The following QDPR variants were observed in gnomAD, a reference collection of about 807,000 sequenced individuals.
QDPR encodes quinoid dihydropteridine reductase.
QDPR carries 23 observed loss-of-function variants against 31.7 expected under a neutral mutation model. The observed-to-expected ratio is 0.73, with a 90% CI of 0.52 to 1.03. The LOEUF is 1.03. QDPR is among the 50% of genes least tolerant of loss of function. The pLI is 0.00. For synonymous variants in QDPR, 124 were observed against 124.7 expected (o/e 0.99, Z 0.03); for missense variants, 324 against 323.8 (o/e 1.00, Z 0.00).
chr4:17,496,916 C>T (rs1718381410), intron 4 of QDPR, among the ~76,000 whole-genome samples: 1 of 152,118 alleles, frequency 6.6e-6, no homozygotes, highest in Non-Finnish European at 1.5e-5. Context: ...GCCACAACAG[C>T]TGGTTATTTT....
At position 17,487,252 on chromosome 4, in the gene QDPR, A is replaced by C; in HGVS notation, c.630-16T>G. On this transcript the variant is annotated splice_polypyrimidine_tract_variant and intron_variant, in intron 6 of 6. Coordinates refer to ENST00000281243, the MANE Select transcript of QDPR (RefSeq NM_000320.3). ...ATGGAAAGTTCTGGAACAGAAAATA[A>C]AAGTTTTTTTTATATTCTCAAAGCA... is the stretch of plus-strand genomic sequence containing the variant. 6.2e-7 allele frequency: 1 copy of C among 1,610,596 alleles called. No individual in the cohort carries two copies. The highest frequency in any genetic ancestry group is 8.5e-7 in the Non-Finnish European group (1 of 1,176,832).
At position 17,501,742 on chromosome 4, in the gene QDPR, T is replaced by G. The variant is rs754655799; in HGVS notation, c.413A>C (p.Lys138Thr). Residue 138 changes from lysine to threonine, a missense_variant, in exon 4 of 7, where the codon AAG becomes ACG. Coordinates refer to ENST00000281243, the MANE Select transcript of QDPR (RefSeq NM_000320.3). ...ACCAGGAGTCCCATCCAGGGCAGCC[T>G]TTGCGCCAGCCAAGGTCAGGAGGCC... is the stretch of plus-strand genomic sequence containing the variant. Reference protein sequence around the residue: ...EGGLLTLAGAKAALDGTPGMI... With the variant: ...EGGLLTLAGATAALDGTPGMI... The G allele has an allele frequency of 2.5e-6, 4 of 1,614,118 alleles. No individual in the cohort carries two copies. In the South Asian group the frequency reaches 4.4e-5, roughly 18 times the overall value.
rs189071029 is a variant in QDPR, at chr4:17,503,178, C to A, written c.295+1201G>T. On this transcript the variant is annotated intron_variant, in intron 3 of 6. Transcript: ENST00000281243. The stretch of plus-strand genomic sequence containing the variant: ...AGACAAGTTCAGAATGTGAGACATG[C>A]TATATGAAAACTCCCAAGGACTTGA... 3.7e-3 allele frequency among the ~76,000 whole-genome samples: 570 copies of A among 152,250 alleles called. 2 individuals carry two copies. The highest frequency in any genetic ancestry group is 5.9e-3 in the Non-Finnish European group (399 of 68,016).
At chr4:17,498,176 T>C (rs909838279) in intron 4 of QDPR, among the ~76,000 whole-genome samples, 4 of 152,148 alleles carry the variant, frequency 2.6e-5, no homozygotes, top group African/African-American at 9.7e-5. Flanking sequence ...GCACACACAC[T>C]GTTTAAGATG....
chr4:17,494,598 TA>T (rs1421236651), intron 4 of QDPR, among the ~76,000 whole-genome samples: 14 of 152,314 alleles, frequency 9.2e-5, no homozygotes, highest in African/African-American at 3.4e-4. Flanking sequence ...TGTCAAGTAA[TA>T]AAACTCCATT....
At chr4:17,505,768 C>T (rs1289107778) in intron 2 of QDPR, among the ~76,000 whole-genome samples, 2 of 152,170 alleles carry the variant, frequency 1.3e-5, no homozygotes, top group Non-Finnish European at 2.9e-5. Flanking sequence ...TTACCTCTTT[C>T]CCCAGTTTCA....
intron 2 of QDPR, 79 bp from the exon 3 acceptor site, chr4:17,504,554 CTT>C: frequency 8.6e-7 from 1 of 1,167,424 alleles, no homozygotes; most frequent in Non-Finnish European, 1.3e-6. Context: ...TACTCAGTTT[CTT>C]TTTCTCTTCT....
chr4:17,511,553 C>T (rs1258132704), intron 1 of QDPR, among the ~76,000 whole-genome samples: 1 of 152,212 alleles, frequency 6.6e-6, no homozygotes, highest in East Asian at 1.9e-4. Flanking sequence ...CGAGGTCCTA[C>T]GGCGTTAGGT....
intron 6 of QDPR, among the ~76,000 whole-genome samples, chr4:17,489,490 A>C (rs28394602): frequency 0.036 from 5,547 of 152,290 alleles, 356 homozygotes; most frequent in African/African-American, 0.13. Flanking sequence ...AGCATGAAGC[A>C]TGATTCCTGG....
At chr4:17,495,785 G>A (rs559079852) in intron 4 of QDPR, among the ~76,000 whole-genome samples, 1 of 152,158 alleles carries the variant, frequency 6.6e-6, no homozygotes, top group Admixed American at 6.5e-5. Context: ...GCGGCAAGTG[G>A]ATCTCTTGAG....
intron 2 of QDPR, among the ~76,000 whole-genome samples, chr4:17,506,672 T>C (rs1718799102): frequency 6.6e-6 from 1 of 152,216 alleles, no homozygotes; most frequent in African/African-American, 2.4e-5. Flanking sequence ...CACGTGTTAA[T>C]GAAAATAAAG....
chr4:17,498,027 T>C (rs1718428306), intron 4 of QDPR, among the ~76,000 whole-genome samples: 1 of 152,196 alleles, frequency 6.6e-6, no homozygotes. Context: ...TCCCCCACTG[T>C]GCCCAACTGT....
Position 17,512,062 on chromosome 4 carries a change from C to G in QDPR, c.-8G>C. The G allele has an allele frequency of 6.3e-7, 1 of 1,588,018 alleles. No individual in the cohort carries two copies. On this transcript the variant is annotated 5_prime_UTR_variant, in exon 1 of 7. Coordinates refer to ENST00000281243, the MANE Select transcript of QDPR (RefSeq NM_000320.3). ...AGCCGCCGCCGCCGCCATCCTGCTCCTGCCAGCCCGGCTCCCGCAGCTCCG... is the reference window on the plus strand; with the variant it reads ...AGCCGCCGCCGCCGCCATCCTGCTCGTGCCAGCCCGGCTCCCGCAGCTCCG...
chr4:17,504,484 CAA>C lies in QDPR; in HGVS notation c.199-11_199-10del. On this transcript the variant is annotated splice_polypyrimidine_tract_variant and intron_variant, in intron 2 of 6. Coordinates refer to ENST00000281243, the MANE Select transcript of QDPR (RefSeq NM_000320.3). ...CCAACCTCAGCAGTCACCTTCAACA[CAA>C]GAACAAAAAAATGTATAAACTGTAA... 6.2e-7 allele frequency: 1 copy of C among 1,609,090 alleles called. No homozygotes were observed. Among genetic ancestry groups the C allele is most frequent in the Non-Finnish European group, 8.5e-7 (1 of 1,175,416 alleles).
At chr4:17,491,805 T>C (rs367767435) in intron 5 of QDPR, among the ~76,000 whole-genome samples, 4 of 151,912 alleles carry the variant, frequency 2.6e-5, no homozygotes, top group Non-Finnish European at 5.9e-5. Flanking sequence ...TGCAACATAA[T>C]AGTATTAAGA....
intron 1 of QDPR, among the ~76,000 whole-genome samples, chr4:17,509,682 G>C (rs1351133899): frequency 2.0e-5 from 3 of 152,096 alleles, no homozygotes. Context: ...CTGTACTCCG[G>C]GCTAGGCAAC....
chr4:17,491,761 G>A (rs1718172122), intron 5 of QDPR, among the ~76,000 whole-genome samples: 1 of 152,142 alleles, frequency 6.6e-6, no homozygotes, highest in Non-Finnish European at 1.5e-5. Flanking sequence ...TGGTCTGAAT[G>A]TATCCCCCTC....
intron 2 of QDPR, among the ~76,000 whole-genome samples, chr4:17,505,104 C>T (rs1047733002): frequency 1.6e-4 from 25 of 152,092 alleles, no homozygotes; most frequent in African/African-American, 4.6e-4. Context: ...TATGTATGCC[C>T]TCTTGTTATA....
intron 4 of QDPR, among the ~76,000 whole-genome samples, chr4:17,500,390 T>C (rs942755450): frequency 2.0e-5 from 3 of 152,194 alleles, no homozygotes; most frequent in African/African-American, 7.2e-5. Context: ...TGGGCTGAAA[T>C]AGATCCCCCC....
Sources: gnomAD v4.1 joint callset for allele counts (sites outside exome capture counted in the v4.1 genomes callset) on GRCh38, gnomAD v4.1.1 for gene constraint, MANE v1.5 for transcripts, NCBI Gene and HGNC (gene_info 2026-07-23, HGNC 2026-07-21) for gene names.